RRAS2: variants seen among roughly 807,000 people sequenced by gnomAD.
The protein encoded by RRAS2 is ras-related protein R-Ras2.
RRAS2 carries 7 observed loss-of-function variants against 27.6 expected under a neutral mutation model. The ratio of observed to expected loss-of-function variants is 0.25; its 90% CI spans 0.14 to 0.48. The LOEUF (loss-of-function observed/expected upper bound fraction) is 0.48. Ranked by LOEUF, RRAS2 falls within the 20% of genes least tolerant of loss-of-function variation. The pLI, the probability that RRAS2 is intolerant of heterozygous loss-of-function variation, is 0.99. For synonymous variants in RRAS2, 86 were observed against 90.9 expected (o/e 0.95, Z 0.31); for missense variants, 178 against 256.2 (o/e 0.69, Z 2.08).
chr11:14,297,391 G>C (rs188800416), intron 1 of RRAS2, among the ~76,000 whole-genome samples: 1 of 152,150 alleles, frequency 6.6e-6, no homozygotes, highest in Non-Finnish European at 1.5e-5. Flanking sequence ...GAATCCCCTG[G>C]TTTTGGGAGG....
intron 1 of RRAS2, among the ~76,000 whole-genome samples, chr11:14,332,836 GA>G (rs1292106909): frequency 6.0e-5 from 9 of 151,256 alleles, no homozygotes; most frequent in East Asian, 1.9e-4. Context: ...ATCATACAAG[GA>G]AAAAAAATGC....
intron 1 of RRAS2, among the ~76,000 whole-genome samples, chr11:14,327,964 T>A (rs1239303257): frequency 3.9e-5 from 6 of 152,150 alleles, no homozygotes; most frequent in Non-Finnish European, 8.8e-5. Context: ...CAAATGTAGC[T>A]GTGACAAAGT....
chr11:14,323,550 C>T (rs1349855619), intron 1 of RRAS2, among the ~76,000 whole-genome samples: 1 of 151,988 alleles, frequency 6.6e-6, no homozygotes, highest in Non-Finnish European at 1.5e-5. Context: ...CCCCCACCGG[C>T]ACACACACAA....
chr11:14,313,322 G>T lies in RRAS2; in HGVS notation c.109-17467C>A, dbSNP rs958564803. ...ACATCAATTGTAAACCACATGAAAA[G>T]AAAGTAAACATGTAACTCTGAATCA... On this transcript the variant is annotated intron_variant, in intron 1 of 5. Coordinates refer to ENST00000256196, the MANE Select transcript of RRAS2 (RefSeq NM_012250.6). 1.3e-5 allele frequency among the ~76,000 whole-genome samples: 2 copies of T among 152,132 alleles called. 1 individual carries two copies. Among genetic ancestry groups the T allele is most frequent in the South Asian group, 4.1e-4 (2 of 4,826 alleles).
In RRAS2 at chr11:14,335,245, G is replaced by A. The variant is rs956356030; in HGVS notation, c.108+23518C>T. On this transcript the variant is annotated intron_variant, in intron 1 of 5. Coordinates refer to ENST00000256196, the MANE Select transcript of RRAS2 (RefSeq NM_012250.6). ...GGCTTCCAGAGTCCCACCTTGAGCC[G>A]GCAGACCTCCTTAACATGAATGATC... Among the ~76,000 whole-genome samples the A allele has an allele frequency of 5.3e-5, 8 of 151,964 alleles. No homozygotes were observed. The South Asian group carries it at 1.3e-3, about 24-fold the overall frequency.
intron 1 of RRAS2, among the ~76,000 whole-genome samples, chr11:14,333,950 C>CATT (rs1848538336): frequency 6.6e-6 from 1 of 152,158 alleles, no homozygotes; most frequent in African/African-American, 2.4e-5. Context: ...TTTTAATGAG[C>CATT]ATTAGCTTAC....
At chr11:14,347,376 T>C (rs1848858156) in intron 1 of RRAS2, among the ~76,000 whole-genome samples, 1 of 152,160 alleles carries the variant, frequency 6.6e-6, no homozygotes, top group Non-Finnish European at 1.5e-5. Flanking sequence ...ATACTGAATC[T>C]GACACAATTT....
Position 14,339,732 on chromosome 11 carries a change from A to G in RRAS2, c.108+19031T>C, listed in dbSNP as rs540015104. Among the ~76,000 whole-genome samples, 3 of 152,326 alleles carry G rather than the reference A, an allele frequency of 2.0e-5. No homozygotes were observed. In the South Asian group the frequency reaches 6.2e-4, roughly 32 times the overall value. ...TTAAAAAGAATTTTTTTAAAAAGTTAAATAATTTTGCTTCTAACATTTTGA... is the reference window on the plus strand; with the variant it reads ...TTAAAAAGAATTTTTTTAAAAAGTTGAATAATTTTGCTTCTAACATTTTGA... On this transcript the variant is annotated intron_variant, in intron 1 of 5. Transcript: ENST00000256196.
chr11:14,315,717 A>C (rs1394043864), intron 1 of RRAS2, among the ~76,000 whole-genome samples: 1 of 152,162 alleles, frequency 6.6e-6, no homozygotes, highest in Non-Finnish European at 1.5e-5. Flanking sequence ...TGTAACTCTA[A>C]AGTTCTTAAA....
chr11:14,318,375 T>C (rs1211916607), intron 1 of RRAS2, among the ~76,000 whole-genome samples: 2 of 152,090 alleles, frequency 1.3e-5, no homozygotes, highest in African/African-American at 2.4e-5. Context: ...TAGTTGCGCA[T>C]GCCTGTAGTA....
At chr11:14,301,257 T>C (rs1298971941) in intron 1 of RRAS2, among the ~76,000 whole-genome samples, 3 of 152,224 alleles carry the variant, frequency 2.0e-5, no homozygotes, top group African/African-American at 7.2e-5. Flanking sequence ...ACAGTTTTCA[T>C]ATTAAAATTA....
intron 1 of RRAS2, among the ~76,000 whole-genome samples, chr11:14,301,441 T>A (rs1199274439): frequency 2.0e-5 from 3 of 152,124 alleles, no homozygotes; most frequent in African/African-American, 7.2e-5. Context: ...CTTTTCTCCC[T>A]TCCTCCTTTT....
chr11:14,321,488 T>A (rs1412326065), intron 1 of RRAS2, among the ~76,000 whole-genome samples: 6 of 152,126 alleles, frequency 3.9e-5, no homozygotes, highest in Non-Finnish European at 7.3e-5. Context: ...TGCCATGTCT[T>A]GTGTTTTGTG....
chr11:14,333,544 T>TTGTGTCC (rs1468639615), intron 1 of RRAS2, among the ~76,000 whole-genome samples: 1 of 152,220 alleles, frequency 6.6e-6, no homozygotes, highest in African/African-American at 2.4e-5. Context: ...CACTCTTAGC[T>TTGTGTCC]TGTGTCCTGT....
At chr11:14,295,057 C>A (rs1161345516) in intron 2 of RRAS2, among the ~76,000 whole-genome samples, 195 bp from the exon 3 acceptor site, 1 of 152,118 alleles carries the variant, frequency 6.6e-6, no homozygotes, top group African/African-American at 2.4e-5. Flanking sequence ...CAGAGTTTAT[C>A]TTCATCAGTA....
intron 1 of RRAS2, chr11:14,336,865 A>AC (rs1200812720): frequency 6.6e-6 from 1 of 152,228 alleles, no homozygotes; most frequent in Non-Finnish European, 1.5e-5. Flanking sequence ...TAAGACATAA[A>AC]CCTACACATT....
intron 1 of RRAS2, among the ~76,000 whole-genome samples, chr11:14,334,614 A>T (rs189480936): frequency 9.9e-5 from 15 of 151,994 alleles, no homozygotes; most frequent in African/African-American, 1.9e-4. Flanking sequence ...TGGGACTCCC[A>T]TCAAGTTCTT....
intron 4 of RRAS2, among the ~76,000 whole-genome samples, chr11:14,289,704 G>A (rs542726977): frequency 7.2e-5 from 11 of 152,108 alleles, no homozygotes; most frequent in Non-Finnish European, 1.0e-4. Context: ...ATAAATACTG[G>A]ATGAATGGAT....
intron 1 of RRAS2, among the ~76,000 whole-genome samples, chr11:14,349,313 G>A (rs1454832843): frequency 4.0e-5 from 6 of 151,084 alleles, no homozygotes; most frequent in African/African-American, 1.2e-4. Flanking sequence ...CACCACACCC[G>A]GCTAATTTTT....
Sources: allele counts gnomAD v4.1 joint callset (sites outside exome capture counted in the v4.1 genomes callset), GRCh38; gene constraint gnomAD v4.1.1; transcripts MANE v1.5; gene names NCBI Gene and HGNC (gene_info 2026-07-23, HGNC 2026-07-21).